Variants in CNIH3 observed in about 807,000 individuals in gnomAD.
CNIH3 encodes protein cornichon homolog 3.
A neutral mutation model predicts 24.1 loss-of-function variants in CNIH3; 14 were observed. The ratio of observed to expected loss-of-function variants is 0.58; its 90% CI spans 0.38 to 0.91. The LOEUF (loss-of-function observed/expected upper bound fraction) is 0.91, where lower values mean the gene tolerates loss of function less well. Ranked by LOEUF, CNIH3 falls within the 40% of genes least tolerant of loss-of-function variation. The pLI, the probability that CNIH3 is intolerant of heterozygous loss-of-function variation, is 0.00. For synonymous variants in CNIH3, 68 were observed against 73.8 expected (o/e 0.92, Z 0.40); for missense variants, 178 against 196.8 (o/e 0.90, Z 0.57).
intron 3 of CNIH3, among the ~76,000 whole-genome samples, chr1:224,721,135 G>T (rs1382833966): frequency 6.6e-6 from 1 of 152,182 alleles, no homozygotes; most frequent in Non-Finnish European, 1.5e-5. Context: ...CATAGAGCCT[G>T]TGCTACACCT....
chr1:224,681,075 C>A, intron 2 of CNIH3, 49 bp downstream of exon 2: 1 of 1,467,362 alleles, frequency 6.8e-7, no homozygotes, highest in Non-Finnish European at 9.6e-7. Context: ...CCCAGGCTAC[C>A]CAGGGCCTGG....
intron 1 of CNIH3, among the ~76,000 whole-genome samples, chr1:224,462,831 T>C (rs997936741): frequency 9.9e-5 from 15 of 150,886 alleles, no homozygotes; most frequent in African/African-American, 3.2e-4. Flanking sequence ...ATTGTAGACA[T>C]GGGCTGGTCT....
intron 3 of CNIH3, among the ~76,000 whole-genome samples, chr1:224,705,076 C>G (rs1034724093): frequency 5.9e-5 from 9 of 152,144 alleles, no homozygotes; most frequent in African/African-American, 2.2e-4. Context: ...CGAGATCACA[C>G]CACTGCACTC....
chr1:224,649,744 C>A (rs762677089), intron 1 of CNIH3, among the ~76,000 whole-genome samples: 1 of 152,156 alleles, frequency 6.6e-6, no homozygotes. Flanking sequence ...TTTTCCAGCC[C>A]GGTCCACCAA....
chr1:224,662,446 A>T (rs1293398885), intron 1 of CNIH3, among the ~76,000 whole-genome samples: 1 of 152,234 alleles, frequency 6.6e-6, no homozygotes, highest in East Asian at 1.9e-4. Flanking sequence ...TATAAAAAAA[A>T]ATCACACAAA....
chr1:224,489,840 G>A (rs1039716088), intron 1 of CNIH3, among the ~76,000 whole-genome samples: 1 of 152,146 alleles, frequency 6.6e-6, no homozygotes, highest in African/African-American at 2.4e-5. Context: ...TCTTGTAGAT[G>A]GTGTCTTCTT....
chr1:224,455,149 A>G (rs970955987), intron 1 of CNIH3, among the ~76,000 whole-genome samples: 34 of 152,212 alleles, frequency 2.2e-4, no homozygotes, highest in Non-Finnish European at 4.0e-4. Context: ...TTATATAATA[A>G]TGTCGAATAT....
At chr1:224,504,318 CA>C (rs1677807915) in intron 1 of CNIH3, among the ~76,000 whole-genome samples, 1 of 152,198 alleles carries the variant, frequency 6.6e-6, no homozygotes, top group African/African-American at 2.4e-5. Context: ...CCATTGTCAT[CA>C]TCAAATGGGA....
At chr1:224,627,859 G>C (rs1324448601) in intron 1 of CNIH3, among the ~76,000 whole-genome samples, 1 of 152,116 alleles carries the variant, frequency 6.6e-6, no homozygotes, top group Non-Finnish European at 1.5e-5. Flanking sequence ...TCCTGCTTGG[G>C]ACACGGGCTC....
At chr1:224,549,514 A>G (rs1237804086) in intron 3 of CNIH3, among the ~76,000 whole-genome samples, 1 of 152,096 alleles carries the variant, frequency 6.6e-6, no homozygotes, top group East Asian at 1.9e-4. Flanking sequence ...ATATTTTCTT[A>G]ATATCACAGA....
chr1:224,593,433 C>T (rs934262601), downstream of CNIH3, among the ~76,000 whole-genome samples: 3 of 152,170 alleles, frequency 2.0e-5, no homozygotes, highest in East Asian at 1.9e-4. Flanking sequence ...TACACATCTG[C>T]GGGGCAAAGA....
At chr1:224,559,681 A>G (rs1009110840) in intron 3 of CNIH3, among the ~76,000 whole-genome samples, 1 of 152,196 alleles carries the variant, frequency 6.6e-6, no homozygotes, top group African/African-American at 2.4e-5. Flanking sequence ...AATTTTTTTA[A>G]AAAAGAATTC....
intron 1 of CNIH3, among the ~76,000 whole-genome samples, chr1:224,438,504 A>G (rs1260172957): frequency 1.3e-5 from 2 of 152,238 alleles, no homozygotes; most frequent in Non-Finnish European, 2.9e-5. Flanking sequence ...GTCCAGATAT[A>G]AGTGTGGTAT....
upstream of CNIH3, among the ~76,000 whole-genome samples, chr1:224,512,497 A>G (rs1558120559): frequency 6.6e-6 from 1 of 152,170 alleles, no homozygotes; most frequent in Non-Finnish European, 1.5e-5. Context: ...AAAAAGAAAA[A>G]ATGGAGCTAT....
At chr1:224,677,588 C>T (rs1686199838) in intron 1 of CNIH3, among the ~76,000 whole-genome samples, 1 of 152,250 alleles carries the variant, frequency 6.6e-6, no homozygotes, top group Admixed American at 6.5e-5. Flanking sequence ...CTTCAGGCCT[C>T]TTTCCTCTGC....
rs186971867 is a variant in CNIH3, at chr1:224,495,626, G to A, written n.204-20115G>A. On this transcript the variant is annotated intron_variant and non_coding_transcript_variant, in intron 1 of 5. Coordinates refer to the CNIH3 transcript ENST00000471578. ...ACGCTGATGCAGCTGTGAGGGCTTA[G>A]AGGAGAGGATTTTACTGCTCCAAGG... Among the ~76,000 whole-genome samples, 14 of 152,352 alleles carry A rather than the reference G, an allele frequency of 9.2e-5. No homozygotes were observed. The East Asian group carries it at 2.3e-3, about 25-fold the overall frequency.
At chr1:224,501,437 G>A (rs557222605) in intron 1 of CNIH3, among the ~76,000 whole-genome samples, 8 of 151,686 alleles carry the variant, frequency 5.3e-5, no homozygotes, top group African/African-American at 1.9e-4. Context: ...GAGGGTCCTG[G>A]AGCTTAGAGT....
At chr1:224,663,388 A>C (rs1304846878) in intron 1 of CNIH3, among the ~76,000 whole-genome samples, 1 of 152,136 alleles carries the variant, frequency 6.6e-6, no homozygotes, top group African/African-American at 2.4e-5. Context: ...CCAATACACA[A>C]TCCAACTGCA....
chr1:224,595,674 C>A (rs1176205209), intron 3 of CNIH3, among the ~76,000 whole-genome samples: 1 of 152,216 alleles, frequency 6.6e-6, no homozygotes, highest in African/African-American at 2.4e-5. Context: ...AAAGCTAGGC[C>A]TCTTGTCAGT....
Sources: gnomAD v4.1 joint callset for allele counts (sites outside exome capture counted in the v4.1 genomes callset) on GRCh38, gnomAD v4.1.1 for gene constraint, MANE v1.5 for transcripts, NCBI Gene and HGNC (gene_info 2026-07-23, HGNC 2026-07-21) for gene names.